SPC25: variants seen among roughly 807,000 people sequenced by gnomAD.
The protein encoded by SPC25 is SPC25 component of NDC80 kinetochore complex.
In SPC25, 22 loss-of-function variants were observed where a neutral mutation model predicts 29.6. The ratio of observed to expected loss-of-function variants is 0.74; its 90% CI spans 0.53 to 1.06. The LOEUF is 1.06. Among genes scored for constraint, SPC25 ranks in the 50% least tolerant of loss-of-function variants. The pLI, the probability that SPC25 is intolerant of heterozygous loss-of-function variation, is 0.00. For synonymous variants in SPC25, 91 were observed against 90.4 expected (o/e 1.01, Z -0.04); for missense variants, 230 against 255.8 (o/e 0.90, Z 0.69).
intron 4 of SPC25, chr2:168,865,489 T>A (rs1184479171): frequency 1.3e-5 from 2 of 153,650 alleles, no homozygotes; most frequent in East Asian, 1.9e-4. Flanking sequence ...TGGTAGGATA[T>A]CTCTGACAAA....
downstream of SPC25, chr2:168,870,864 C>T (rs1464807604): frequency 6.6e-6 from 1 of 151,506 alleles, no homozygotes; most frequent in East Asian, 1.9e-4. Context: ...TGGGTATATA[C>T]CCAAGGGATT....
intron 1 of SPC25, 120 bp from the exon 2 acceptor site, chr2:168,889,653 T>G (rs1185676070): frequency 5.9e-6 from 6 of 1,022,816 alleles, no homozygotes; most frequent in African/African-American, 3.2e-5. Flanking sequence ...AACTTATCTT[T>G]AATTCTAGGT....
intron 4 of SPC25, among the ~76,000 whole-genome samples, chr2:168,864,141 T>C (rs1689687539): frequency 6.6e-6 from 1 of 152,060 alleles, no homozygotes; most frequent in Non-Finnish European, 1.5e-5. Flanking sequence ...CTAATTTTTG[T>C]ATTTTTAGTA....
chr2:168,869,971 A>G (rs1203343184), downstream of SPC25, among the ~76,000 whole-genome samples: 1 of 152,226 alleles, frequency 6.6e-6, no homozygotes, highest in African/African-American at 2.4e-5. Context: ...ACAAGGCTAC[A>G]GTAACCAAAA....
At chr2:168,872,972 G>C (rs1690020701) in intron 6 of SPC25, among the ~76,000 whole-genome samples, 1 of 152,084 alleles carries the variant, frequency 6.6e-6, no homozygotes. Flanking sequence ...ATAAATTAAG[G>C]ATTACTTGTA....
At chr2:168,871,879 A>G (rs1383141560) in intron 6 of SPC25, among the ~76,000 whole-genome samples, 1 of 152,052 alleles carries the variant, frequency 6.6e-6, no homozygotes, top group Non-Finnish European at 1.5e-5. Flanking sequence ...TTAACTATTT[A>G]AACTTTTTTT....
intron 6 of SPC25, 94 bp downstream of exon 6, chr2:168,873,491 G>T: frequency 1.2e-6 from 1 of 822,966 alleles, no homozygotes; most frequent in Non-Finnish European, 2.0e-6. Flanking sequence ...AGAGTCTGGA[G>T]CTATTACTTT....
intron 3 of SPC25, 58 bp downstream of exon 3, chr2:168,889,168 T>A: frequency 6.8e-7 from 1 of 1,476,166 alleles, no homozygotes; most frequent in Non-Finnish European, 9.3e-7. Flanking sequence ...TATGAGAGAT[T>A]TCATGATAAA....
In SPC25 at chr2:168,861,936, T is replaced by TA. The variant is rs1444025119; in HGVS notation, n.419+11648dup. The TA allele has an allele frequency of 3.7e-6, 6 of 1,608,670 alleles. No individual in the cohort carries two copies. The East Asian group carries it at 1.3e-4, about 36-fold the overall frequency. On this transcript the variant is annotated intron_variant and non_coding_transcript_variant, in intron 4 of 4. Coordinates refer to the SPC25 transcript ENST00000479309. ...TCATTTGCCTGCTAACACAGCATAC[T>TA]AATTACAGCTTTATCTATTTCAGCC...
chr2:168,863,903 C>G (rs192131003), intron 4 of SPC25, among the ~76,000 whole-genome samples: 1 of 151,810 alleles, frequency 6.6e-6, no homozygotes, highest in African/African-American at 2.4e-5. Context: ...TATGATCCAA[C>G]GTGATCTTTT....
chr2:168,875,451 G>A (rs1690068099), intron 5 of SPC25, among the ~76,000 whole-genome samples: 2 of 151,996 alleles, frequency 1.3e-5, no homozygotes, highest in African/African-American at 4.8e-5. Context: ...TGTAAATTAG[G>A]CACAGAAAGA....
chr2:168,863,344 T>C, intron 4 of SPC25: 1 of 918,040 alleles, frequency 1.1e-6, no homozygotes, highest in Middle Eastern at 5.6e-4. Context: ...GTAGAAAAGA[T>C]AGAAAAGGAG....
chr2:168,883,859 C>A (rs1444978909), intron 3 of SPC25, among the ~76,000 whole-genome samples: 2 of 151,880 alleles, frequency 1.3e-5, no homozygotes, highest in Non-Finnish European at 2.9e-5. Context: ...CAACCTCCGC[C>A]TCCTGGGTTC....
chr2:168,881,552 G>A (rs922159333), intron 3 of SPC25, among the ~76,000 whole-genome samples: 1 of 152,220 alleles, frequency 6.6e-6, no homozygotes, highest in Non-Finnish European at 1.5e-5. Flanking sequence ...AGAGGCTACT[G>A]AGGTCAAATA....
At chr2:168,887,679 G>T (rs1690294190) in intron 3 of SPC25, among the ~76,000 whole-genome samples, 1 of 152,146 alleles carries the variant, frequency 6.6e-6, no homozygotes, top group African/African-American at 2.4e-5. Context: ...ACACATGTTT[G>T]TGTCCTGTGT....
chr2:168,880,870 A>T (rs989801807), intron 3 of SPC25, among the ~76,000 whole-genome samples: 3 of 152,216 alleles, frequency 2.0e-5, no homozygotes, highest in Admixed American at 2.0e-4. Context: ...GTCATCTTAT[A>T]TGGGTGTCAT....
chr2:168,882,940 G>T (rs776189534), intron 3 of SPC25, among the ~76,000 whole-genome samples: 9 of 151,936 alleles, frequency 5.9e-5, no homozygotes, highest in Non-Finnish European at 1.3e-4. Context: ...AAAATGCTAG[G>T]GTCCTTCTAG....
chr2:168,869,124 G>C (rs1450216052), downstream of SPC25, among the ~76,000 whole-genome samples: 1 of 152,128 alleles, frequency 6.6e-6, no homozygotes, highest in Non-Finnish European at 1.5e-5. Flanking sequence ...TATCTCAATA[G>C]ATGCGGAAAA....
At chr2:168,865,115 T>G in intron 4 of SPC25, 1 of 828,532 alleles carries the variant, frequency 1.2e-6, no homozygotes, top group Non-Finnish European at 1.8e-6. Context: ...TTTGCATTCA[T>G]GATTATTAGC....
Sources: gnomAD v4.1 joint callset for allele counts (sites outside exome capture counted in the v4.1 genomes callset) on GRCh38, gnomAD v4.1.1 for gene constraint, MANE v1.5 for transcripts, NCBI Gene and HGNC (gene_info 2026-07-23, HGNC 2026-07-21) for gene names.